Variants in KIFAP3 observed in about 807,000 individuals in gnomAD.
KIFAP3 encodes kinesin associated protein 3, also known as kinesin-associated protein 3.
In KIFAP3, 68 loss-of-function variants were observed where a neutral mutation model predicts 106.5. The observed-to-expected ratio is 0.64, with a 90% CI of 0.53 to 0.78. The LOEUF is 0.78. KIFAP3 is among the 30% of genes least tolerant of loss of function. The probability of loss-of-function intolerance (pLI) is 0.00; values close to 1 mark genes in which losing one functional copy is unlikely to be tolerated. For missense variants in KIFAP3, 780 were observed against 941.8 expected, an observed-to-expected ratio of 0.83 and a Z score of 2.25; for synonymous variants, 320 against 311.5, an observed-to-expected ratio of 1.03 and a Z score of -0.29.
chr1:169,935,896 T>C (rs1663771973), intron 19 of KIFAP3, among the ~76,000 whole-genome samples: 1 of 151,930 alleles, frequency 6.6e-6, no homozygotes, highest in Non-Finnish European at 1.5e-5. Context: ...CAGGTCTGAG[T>C]TCTATCTAAT....
intron 10 of KIFAP3, among the ~76,000 whole-genome samples, chr1:170,009,472 G>A (rs1035793699): frequency 6.6e-6 from 1 of 152,026 alleles, no homozygotes; most frequent in Non-Finnish European, 1.5e-5. Context: ...ACTATGTGAT[G>A]TTTAACTTTT....
intron 3 of KIFAP3, chr1:170,041,696 G>A (rs767423959): frequency 6.5e-7 from 1 of 1,535,064 alleles, no homozygotes; most frequent in Non-Finnish European, 8.7e-7. Context: ...AGCTTGCTTG[G>A]AGTACAGAAA....
intron 8 of KIFAP3, among the ~76,000 whole-genome samples, chr1:170,030,953 A>G (rs975788403): frequency 1.3e-5 from 2 of 151,822 alleles, no homozygotes; most frequent in Non-Finnish European, 3.0e-5. Context: ...TTTATTGTCT[A>G]TCAGTTATAC....
chr1:170,040,180 CA>C lies in KIFAP3; in HGVS notation c.320-893del, dbSNP rs530484876. ...TACTAAGACAGTGGTTTTAATTATG[CA>C]AAAAAAATCACTGAATGTAATGAAT... On this transcript the variant is annotated intron_variant, in intron 3 of 19. Coordinates refer to ENST00000361580, the MANE Select transcript of KIFAP3 (RefSeq NM_014970.4). Among the ~76,000 whole-genome samples, 72 of 151,346 alleles carry C rather than the reference CA, an allele frequency of 4.8e-4. 2 individuals carry two copies. Among genetic ancestry groups the C allele is most frequent in the Admixed American group, 6.6e-4 (10 of 15,228 alleles).
At chr1:170,000,667 T>G (rs775123398) in intron 10 of KIFAP3, among the ~76,000 whole-genome samples, 2 of 152,162 alleles carry the variant, frequency 1.3e-5, no homozygotes, top group Non-Finnish European at 2.9e-5. Flanking sequence ...GAGCATATAC[T>G]GCAGATATAT....
chr1:169,985,990 AAG>A (rs556478934), intron 11 of KIFAP3, among the ~76,000 whole-genome samples: 98 of 152,004 alleles, frequency 6.4e-4, no homozygotes, highest in African/African-American at 2.3e-3. Flanking sequence ...ATAGTACATA[AAG>A]AGAGTTTTTT....
intron 8 of KIFAP3, among the ~76,000 whole-genome samples, chr1:170,027,004 T>C (rs1196325705): frequency 1.4e-5 from 2 of 147,666 alleles, no homozygotes; most frequent in Admixed American, 1.4e-4. Context: ...TAAATTTCAC[T>C]GTCTTGCTTC....
upstream of KIFAP3, chr1:170,074,826 C>A: frequency 4.7e-6 from 5 of 1,072,516 alleles, no homozygotes; most frequent in Middle Eastern, 4.0e-4. Flanking sequence ...TTTTGAGCGT[C>A]CGTGTATAAG....
At chr1:170,003,417 C>A (rs551500834) in intron 10 of KIFAP3, among the ~76,000 whole-genome samples, 1 of 152,338 alleles carries the variant, frequency 6.6e-6, no homozygotes, top group East Asian at 1.9e-4. Flanking sequence ...ATCCTCCCGG[C>A]CGTGTGAGGT....
intron 19 of KIFAP3, among the ~76,000 whole-genome samples, chr1:169,939,630 G>C (rs1050162808): frequency 1.3e-5 from 2 of 152,168 alleles, no homozygotes; most frequent in Non-Finnish European, 2.9e-5. Context: ...ACAGGGTATG[G>C]ATAGAGAACA....
chr1:169,935,060 G>C (rs1663711613), intron 19 of KIFAP3, among the ~76,000 whole-genome samples: 1 of 151,804 alleles, frequency 6.6e-6, no homozygotes, highest in South Asian at 2.1e-4. Context: ...ACTTTTTTGA[G>C]ATTTTTTACA....
At chr1:169,950,491 C>T (rs931101068) in intron 19 of KIFAP3, among the ~76,000 whole-genome samples, 14 of 152,024 alleles carry the variant, frequency 9.2e-5, no homozygotes, top group Admixed American at 2.6e-4. Flanking sequence ...GACCATTTCC[C>T]TGATTTAAAG....
At chr1:170,061,183 G>C (rs1451009843) in intron 1 of KIFAP3, among the ~76,000 whole-genome samples, 1 of 152,160 alleles carries the variant, frequency 6.6e-6, no homozygotes, top group African/African-American at 2.4e-5. Context: ...AAACTAAAGA[G>C]CTTCTGCACA....
intron 2 of KIFAP3, among the ~76,000 whole-genome samples, chr1:170,053,701 C>A (rs1412656757): frequency 6.6e-6 from 1 of 150,452 alleles, no homozygotes; most frequent in Admixed American, 6.6e-5. Flanking sequence ...CATCTACAAC[C>A]AACTAACCTT....
chr1:170,061,310 T>C (rs970317612), intron 1 of KIFAP3, among the ~76,000 whole-genome samples: 40 of 139,792 alleles, frequency 2.9e-4, no homozygotes, highest in African/African-American at 9.8e-4. Flanking sequence ...TTAAACAAAT[T>C]TACAAGAAAA....
At chr1:170,077,644 T>C (rs1222802223), upstream of KIFAP3, among the ~76,000 whole-genome samples, 1 of 152,246 alleles carries the variant, frequency 6.6e-6, no homozygotes, top group African/African-American at 2.4e-5. Flanking sequence ...TTAAGTCATA[T>C]AATTACCTGC....
chr1:169,944,444 C>T (rs1664314615), intron 19 of KIFAP3, among the ~76,000 whole-genome samples: 1 of 152,168 alleles, frequency 6.6e-6, no homozygotes, highest in South Asian at 2.1e-4. Flanking sequence ...ATCCCTGGCT[C>T]AGGAGCAACT....
At chr1:170,071,856 G>A (rs1052128967) in intron 1 of KIFAP3, among the ~76,000 whole-genome samples, 2 of 152,130 alleles carry the variant, frequency 1.3e-5, no homozygotes, top group Admixed American at 6.5e-5. Flanking sequence ...GCTATATAAA[G>A]GAATGAAGTA....
chr1:169,989,978 G>A lies in KIFAP3; in HGVS notation c.1284+2177C>T, dbSNP rs1667017460. 5.7e-6 allele frequency: 8 copies of A among 1,410,592 alleles called. No individual in the cohort carries two copies. In the South Asian group the frequency reaches 1.1e-4, roughly 19 times the overall value. 87.4% of individuals were successfully genotyped at this position (1,410,592 alleles called of 1,614,324 possible). ...AGGAATTATGTAGTAGGAGTCAAGA[G>A]GAATTACCTTCATAAGTACGATTTG... On this transcript the variant is annotated intron_variant, in intron 11 of 19. Transcript: ENST00000361580.
Sources: gnomAD v4.1 joint callset for allele counts (sites outside exome capture counted in the v4.1 genomes callset) on GRCh38, gnomAD v4.1.1 for gene constraint, MANE v1.5 for transcripts, NCBI Gene and HGNC (gene_info 2026-07-23, HGNC 2026-07-21) for gene names.